The following RBBP8 variants were observed in gnomAD, a reference collection of about 807,000 sequenced individuals.
RBBP8 encodes the protein RB binding protein 8, endonuclease.
In RBBP8, 88 loss-of-function variants were observed where a neutral mutation model predicts 108.3. The ratio of observed to expected loss-of-function variants is 0.81; its 90% CI spans 0.68 to 0.97. RBBP8 has a LOEUF of 0.97. RBBP8 is among the 50% of genes least tolerant of loss of function. The pLI, the probability that RBBP8 is intolerant of heterozygous loss-of-function variation, is 0.00. For missense variants in RBBP8, 1,023 were observed against 1,049.0 expected (o/e 0.98, Z 0.34); for synonymous variants, 332 against 348.2 (o/e 0.95, Z 0.52).
chr18:22,986,605 T>C (rs977233842), intron 8 of RBBP8, among the ~76,000 whole-genome samples: 7 of 152,104 alleles, frequency 4.6e-5, no homozygotes, highest in African/African-American at 1.4e-4. Flanking sequence ...TTATTTATGT[T>C]GATAGGATGA....
rs753764055 is a variant in RBBP8, at chr18:23,001,614, G to A, written c.2172G>A (p.Leu724=). The part of the protein sequence containing the change: ...SNEERKMNDS[L]EDMFDRTTHE... ...AAGAAAGAAAAATGAATGATAGCTT[G>A]GAAGATATGTTTGATCGGACAACAC... The change falls in exon 15 of 19, where the codon TTG becomes TTA. Residue 724 remains leucine, a synonymous_variant. Coordinates refer to ENST00000327155, the MANE Select transcript of RBBP8 (RefSeq NM_002894.3). 1.9e-6 allele frequency: 3 copies of A among 1,613,954 alleles called. No individual in the cohort carries two copies. Among genetic ancestry groups the A allele is most frequent in the African/African-American group, 1.3e-5 (1 of 74,908 alleles).
chr18:22,982,168 G>GA, intron 6 of RBBP8, 50 bp from the exon 7 acceptor site: 5 of 1,556,360 alleles, frequency 3.2e-6, no homozygotes, highest in Non-Finnish European at 3.5e-6. Flanking sequence ...TGTAGTAAAT[G>GA]TTTTAATACT....
chr18:22,991,089 G>A (rs766350326), intron 10 of RBBP8, 40 bp downstream of exon 10: 8 of 1,346,666 alleles, frequency 5.9e-6, no homozygotes, highest in Non-Finnish European at 8.5e-6. Context: ...TAAGCTATTG[G>A]TGAGATCCCA....
In RBBP8 at chr18:22,984,942, G is replaced by A. The variant is rs1915217490; in HGVS notation, c.661G>A (p.Glu221Lys). The A allele has an allele frequency of 6.2e-7, 1 of 1,611,594 alleles. No homozygotes were observed. Among genetic ancestry groups the A allele is most frequent in the African/African-American group, 1.3e-5 (1 of 74,840 alleles). ...THPQHNPNEN[E>K]ILVADTYDQS... is the part of the protein sequence containing the mutation. The stretch of plus-strand genomic sequence containing the variant: ...TCCACAACATAATCCTAATGAAAAT[G>A]AAATTCTAGTAGCTGACACTTATGA... Residue 221 changes from glutamate to lysine, a missense_variant, in exon 8 of 19, where the codon GAA becomes AAA. Glu to Lys is a moderately conservative substitution (Grantham distance 56). Coordinates refer to ENST00000327155, the MANE Select transcript of RBBP8 (RefSeq NM_002894.3).
intron 12 of RBBP8, among the ~76,000 whole-genome samples, chr18:22,995,114 G>A (rs545918166): frequency 3.3e-5 from 5 of 151,938 alleles, no homozygotes; most frequent in Admixed American, 6.6e-5. Flanking sequence ...TTCTTCATTG[G>A]CAAGTTATTC....
chr18:23,025,920 A>G (rs1382345770), intron 18 of RBBP8, among the ~76,000 whole-genome samples: 1 of 152,240 alleles, frequency 6.6e-6, no homozygotes, highest in Non-Finnish European at 1.5e-5. Flanking sequence ...TGTGAGTTAT[A>G]TGAGATGATA....
At chr18:22,938,277 GCACGCACCATGC>G (rs1910752710) in intron 2 of RBBP8, among the ~76,000 whole-genome samples, 1 of 152,116 alleles carries the variant, frequency 6.6e-6, no homozygotes, top group African/African-American at 2.4e-5. Flanking sequence ...GACTACAGGC[GCACGCACCATGC>G]CCAGCTAGTT....
At chr18:22,939,179 A>T (rs1394709204) in intron 2 of RBBP8, among the ~76,000 whole-genome samples, 2 of 152,164 alleles carry the variant, frequency 1.3e-5, no homozygotes, top group South Asian at 2.1e-4. Context: ...ATCAACCTGA[A>T]TCTAAAGTGT....
intron 1 of RBBP8, among the ~76,000 whole-genome samples, chr18:22,914,913 A>C (rs1909294392): frequency 6.6e-6 from 1 of 152,124 alleles, no homozygotes; most frequent in Admixed American, 6.6e-5. Context: ...AGGTCTGAAA[A>C]ACTTTTTAGG....
At chr18:23,012,785 C>G (rs1026936202) in intron 16 of RBBP8, among the ~76,000 whole-genome samples, 6 of 152,164 alleles carry the variant, frequency 3.9e-5, no homozygotes, top group Non-Finnish European at 1.5e-5. Flanking sequence ...GCAGATGAAA[C>G]AGCCTTCTAT....
chr18:22,941,819 G>A (rs1008634974), intron 2 of RBBP8, among the ~76,000 whole-genome samples: 1 of 152,000 alleles, frequency 6.6e-6, no homozygotes, highest in African/African-American at 2.4e-5. Context: ...ATTAGGTATT[G>A]GATATATGAG....
At chr18:22,938,431 C>G (rs1910768367) in intron 2 of RBBP8, among the ~76,000 whole-genome samples, 1 of 152,156 alleles carries the variant, frequency 6.6e-6, no homozygotes, top group Admixed American at 6.5e-5. Context: ...CAGGTGATCT[C>G]CCGCCTTGGC....
At chr18:22,914,655 G>T (rs188089212) in intron 1 of RBBP8, among the ~76,000 whole-genome samples, 247 of 152,174 alleles carry the variant, frequency 1.6e-3, no homozygotes, top group African/African-American at 5.6e-3. Context: ...ATAGGCTGTT[G>T]CTATATGGTA....
Position 23,022,645 on chromosome 18 carries a change from A to ATAAAATAAAATAAATAAAG in RBBP8, c.2596+377_2596+378insAAATAAAATAAATAAAGTA, listed in dbSNP as rs1568010293. ...AATAAAATAAAATAAAATAAATAAA[A>ATAAAATAAAATAAATAAAG]TACAATATAAAATAAAATAAAATAA... is the stretch of plus-strand genomic sequence containing the variant. On this transcript the variant is annotated intron_variant, in intron 18 of 18. Transcript: ENST00000327155. Among the ~76,000 whole-genome samples, 25 of 45,130 alleles carry ATAAAATAAAATAAATAAAG rather than the reference A, an allele frequency of 5.5e-4. 1 individual carries two copies. The highest frequency in any genetic ancestry group is 1.3e-3 in the African/African-American group (23 of 17,556). The allele number at this position is 45,130 out of a possible 152,430, so 29.6% of individuals were successfully genotyped here. A position where few individuals can be genotyped will look rare whatever the true frequency, so the allele number is the denominator to read the frequency against.
chr18:22,932,379 TAA>T (rs559645683), upstream of RBBP8, among the ~76,000 whole-genome samples: 39 of 152,352 alleles, frequency 2.6e-4, no homozygotes, highest in South Asian at 7.5e-3. Context: ...AATGTGGAGT[TAA>T]GTCTTATAAA....
At chr18:22,935,213 G>A (rs996321768) in intron 1 of RBBP8, among the ~76,000 whole-genome samples, 2 of 150,266 alleles carry the variant, frequency 1.3e-5, no homozygotes, top group African/African-American at 2.4e-5. Flanking sequence ...CATTGTATAC[G>A]CACCCACCCA....
Position 22,993,742 on chromosome 18 carries a change from A to G in RBBP8, c.1834A>G (p.Ile612Val), listed in dbSNP as rs768485436. The change falls in exon 12 of 19, where the codon ATA becomes GTA. Residue 612 changes from isoleucine (I) to valine (V), a missense_variant. Physicochemically the swap from Ile to Val is conservative, Grantham distance 29 (BLOSUM62 3). Coordinates refer to ENST00000327155, the MANE Select transcript of RBBP8 (RefSeq NM_002894.3). ...TTAGAGTGCTGGTTCTCATGAGCCA[A>G]TAAAAATACAAACCAGGTCAGACCA... ...DIKSAGSHEP[I>V]KIQTRSDHGG... The G allele has an allele frequency of 8.7e-6, 14 of 1,614,046 alleles. No homozygotes were observed. The highest frequency in any genetic ancestry group is 1.3e-5 in the African/African-American group (1 of 74,940).
intron 6 of RBBP8, among the ~76,000 whole-genome samples, chr18:22,976,415 ATT>A (rs1386989228): frequency 6.6e-6 from 1 of 152,138 alleles, no homozygotes; most frequent in Non-Finnish European, 1.5e-5. Flanking sequence ...GTTACATAGA[ATT>A]CCAAAACCCA....
intron 4 of RBBP8, among the ~76,000 whole-genome samples, chr18:22,956,287 G>T (rs1171177406): frequency 1.3e-5 from 2 of 151,722 alleles, no homozygotes; most frequent in Non-Finnish European, 2.9e-5. Flanking sequence ...ACCTTTAAAA[G>T]CAACATGTAT....
Sources: gnomAD v4.1 joint callset for allele counts (sites outside exome capture counted in the v4.1 genomes callset) on GRCh38, gnomAD v4.1.1 for gene constraint, MANE v1.5 for transcripts, NCBI Gene and HGNC (gene_info 2026-07-23, HGNC 2026-07-21) for gene names.